The following NEGR1 variants were observed in gnomAD, a reference collection of about 807,000 sequenced individuals.
NEGR1 encodes IgLON family member 4.
Under a neutral mutation model 40.9 loss-of-function variants are expected in NEGR1, and 10 were observed. The ratio of observed to expected loss-of-function variants is 0.24; its 90% CI spans 0.15 to 0.42. The LOEUF (loss-of-function observed/expected upper bound fraction) is 0.42, where lower values mean the gene tolerates loss of function less well. Among genes scored for constraint, NEGR1 ranks in the 10% least tolerant of loss-of-function variants. The pLI, the probability that NEGR1 is intolerant of heterozygous loss-of-function variation, is 1.00. For missense variants in NEGR1, 352 were observed against 438.9 expected (o/e 0.80, Z 1.77); for synonymous variants, 185 against 166.8 (o/e 1.11, Z -0.84).
chr1:72,118,603 T>C (rs989035585), intron 1 of NEGR1, among the ~76,000 whole-genome samples: 15 of 151,824 alleles, frequency 9.9e-5, no homozygotes, highest in African/African-American at 3.6e-4. Flanking sequence ...ACATTGGTCA[T>C]TCTGCAATAT....
chr1:71,413,262 T>C (rs1438254659), intron 6 of NEGR1, among the ~76,000 whole-genome samples: 1 of 152,194 alleles, frequency 6.6e-6, no homozygotes, highest in South Asian at 2.1e-4. Flanking sequence ...TAAACACTCC[T>C]CATTCACTTA....
chr1:71,544,944 T>G (rs562316402), intron 6 of NEGR1, among the ~76,000 whole-genome samples: 5 of 151,792 alleles, frequency 3.3e-5, no homozygotes, highest in South Asian at 2.1e-4. Context: ...AAAACTGAGA[T>G]GAGTATTCAG....
chr1:71,484,403 G>C (rs1469721453), intron 6 of NEGR1, among the ~76,000 whole-genome samples: 1 of 151,366 alleles, frequency 6.6e-6, no homozygotes, highest in African/African-American at 2.4e-5. Flanking sequence ...ACAAAGCCTT[G>C]AAAGTGTTCC....
At chr1:71,408,443 ATATG>A (rs1190161382) in intron 6 of NEGR1, among the ~76,000 whole-genome samples, 1 of 152,086 alleles carries the variant, frequency 6.6e-6, no homozygotes, top group Non-Finnish European at 1.5e-5. Context: ...ACAGTCTTAT[ATATG>A]GGGAAGTTCA....
At chr1:72,263,488 T>C (rs1268499969) in intron 1 of NEGR1, among the ~76,000 whole-genome samples, 1 of 151,790 alleles carries the variant, frequency 6.6e-6, no homozygotes, top group East Asian at 1.9e-4. Flanking sequence ...ATCAAAGAGC[T>C]CTATTTCGTC....
chr1:71,692,428 A>G lies in NEGR1; in HGVS notation c.667+5580T>C, dbSNP rs373337486. Among the ~76,000 whole-genome samples, 69 of 151,740 alleles carry G rather than the reference A, an allele frequency of 4.5e-4. No individual in the cohort carries two copies. In the East Asian group the frequency reaches 0.012, roughly 26 times the overall value. ...AAGGTGATGACTATGAATTCAAATAACTCTGTTTTCTTCTAGTCCCATGAT... is the reference window on the plus strand; with the variant it reads ...AAGGTGATGACTATGAATTCAAATAGCTCTGTTTTCTTCTAGTCCCATGAT... On this transcript the variant is annotated intron_variant, in intron 4 of 6. Transcript: ENST00000357731.
chr1:71,963,083 C>T (rs1290708687), intron 1 of NEGR1, among the ~76,000 whole-genome samples: 2 of 150,386 alleles, frequency 1.3e-5, no homozygotes, highest in East Asian at 1.9e-4. Context: ...TTTTCTGTAT[C>T]GATATCTATT....
chr1:71,680,018 T>C (rs1459895998), intron 4 of NEGR1, among the ~76,000 whole-genome samples: 2 of 152,084 alleles, frequency 1.3e-5, no homozygotes, highest in Non-Finnish European at 2.9e-5. Context: ...GGAATCAGTA[T>C]GCTAATATCT....
At chr1:71,923,994 C>T (rs1215962265) in intron 2 of NEGR1, among the ~76,000 whole-genome samples, 3 of 151,892 alleles carry the variant, frequency 2.0e-5, no homozygotes, top group Non-Finnish European at 2.9e-5. Context: ...CTGTAGCCTC[C>T]ACCTTTTGTG....
rs577558220 is a variant in NEGR1, at chr1:71,614,294, A to G, written c.668-3148T>C. 9.3e-4 allele frequency among the ~76,000 whole-genome samples: 141 copies of G among 152,000 alleles called. 1 individual carries two copies. The highest frequency in any genetic ancestry group is 3.3e-3 in the African/African-American group (137 of 41,524). ...AAATCATATATGTATAACTTTTATAATGTACATATACATATATACCCTTAT... is the reference window on the plus strand; with the variant it reads ...AAATCATATATGTATAACTTTTATAGTGTACATATACATATATACCCTTAT... On this transcript the variant is annotated intron_variant, in intron 4 of 6. Transcript: ENST00000357731.
chr1:71,870,283 A>G (rs574112365), intron 2 of NEGR1, among the ~76,000 whole-genome samples: 2 of 152,310 alleles, frequency 1.3e-5, no homozygotes, highest in East Asian at 1.9e-4. Flanking sequence ...AGAATGTAGT[A>G]TTGACAAAGA....
chr1:71,963,602 C>G (rs1646186376), intron 1 of NEGR1, among the ~76,000 whole-genome samples: 2 of 152,082 alleles, frequency 1.3e-5, no homozygotes, highest in Admixed American at 6.6e-5. Flanking sequence ...TTCCTTTGCT[C>G]ATGGGAATAT....
In NEGR1 at chr1:72,043,277, G is replaced by C. The variant is rs370117263; in HGVS notation, c.177-107966C>G. ...CTCTACTTGCCTTTTTCCTCTTCTA[G>C]ATTTCTAATACTTTTGTAAATCATT... On this transcript the variant is annotated intron_variant, in intron 1 of 6. Transcript: ENST00000357731. 5.9e-5 allele frequency among the ~76,000 whole-genome samples: 9 copies of C among 151,734 alleles called. No individual in the cohort carries two copies. In the East Asian group the frequency reaches 1.2e-3, roughly 20 times the overall value.
At chr1:71,569,033 C>G (rs1473489038) in intron 6 of NEGR1, among the ~76,000 whole-genome samples, 1 of 151,808 alleles carries the variant, frequency 6.6e-6, no homozygotes. Flanking sequence ...TCTCCTGCCT[C>G]AGCTTCCCGA....
At chr1:71,454,777 A>G (rs1557531830) in intron 6 of NEGR1, among the ~76,000 whole-genome samples, 1 of 152,206 alleles carries the variant, frequency 6.6e-6, no homozygotes, top group African/African-American at 2.4e-5. Flanking sequence ...AGATGTGCCT[A>G]CCTATACCAC....
intron 2 of NEGR1, among the ~76,000 whole-genome samples, chr1:71,934,076 T>C (rs180966017): frequency 3.3e-5 from 5 of 152,220 alleles, no homozygotes; most frequent in Admixed American, 2.6e-4. Context: ...GAATAAAACA[T>C]GCATGCTCTG....
intron 3 of NEGR1, among the ~76,000 whole-genome samples, chr1:71,767,786 G>GTGGGCC (rs1191671734): frequency 6.0e-4 from 92 of 152,336 alleles, no homozygotes; most frequent in African/African-American, 2.1e-3. Flanking sequence ...GAATGATTTT[G>GTGGGCC]TGGGCCAGGC....
At chr1:71,452,488 G>A (rs540042682) in intron 6 of NEGR1, among the ~76,000 whole-genome samples, 1 of 152,296 alleles carries the variant, frequency 6.6e-6, no homozygotes, top group South Asian at 2.1e-4. Flanking sequence ...GACATGCTTA[G>A]AGTGAGAAAA....
chr1:72,275,035 T>C lies in NEGR1; in HGVS notation c.176+7284A>G, dbSNP rs117080904. ...GCCTGAGAAGGAAATCAGACCAGCT[T>C]TGGAGCTCTTGGAACCAACTGAGCA... On this transcript the variant is annotated intron_variant, in intron 1 of 6. Transcript: ENST00000357731. The C allele has an allele frequency of 2.7e-3, 4,040 of 1,511,682 alleles. 148 individuals carry two copies. The East Asian group carries it at 0.072, about 27-fold the overall frequency. 93.6% of individuals were successfully genotyped at this position (1,511,682 alleles called of 1,614,324 possible).
Sources: allele counts gnomAD v4.1 joint callset (sites outside exome capture counted in the v4.1 genomes callset), GRCh38; gene constraint gnomAD v4.1.1; transcripts MANE v1.5; gene names NCBI Gene and HGNC (gene_info 2026-07-23, HGNC 2026-07-21).